The following ESPNL variants were observed in gnomAD, a reference collection of about 807,000 sequenced individuals.
ESPNL encodes the protein espin-like protein.
In ESPNL, 49 loss-of-function variants were observed where a neutral mutation model predicts 46.8. The observed-to-expected ratio is 1.05, with a 90% CI of 0.83 to 1.33. ESPNL has a LOEUF of 1.33. Ranked by LOEUF, ESPNL falls within the 40% of genes most tolerant of loss-of-function variation. The pLI, the probability that ESPNL is intolerant of heterozygous loss-of-function variation, is 0.00. For missense variants in ESPNL, 1,540 were observed against 1,436.6 expected (o/e 1.07, Z -1.16); for synonymous variants, 664 against 662.1 (o/e 1.00, Z -0.04).
chr2:238,116,512 G>T (rs1029385614), intron 4 of ESPNL, among the ~76,000 whole-genome samples: 3 of 152,094 alleles, frequency 2.0e-5, no homozygotes, highest in Non-Finnish European at 4.4e-5. Flanking sequence ...GGCAGGGGCC[G>T]GTTGCTTGTC....
intron 5 of ESPNL, 50 bp downstream of exon 5, chr2:238,117,084 G>T (rs746872078): frequency 1.3e-6 from 2 of 1,562,710 alleles, no homozygotes; most frequent in African/African-American, 2.7e-5. Context: ...GGTGGGCCCA[G>T]ACCCCAGCCA....
At chr2:238,124,666 T>C (rs1194298852) in intron 5 of ESPNL, among the ~76,000 whole-genome samples, 3 of 136,574 alleles carry the variant, frequency 2.2e-5, no homozygotes, top group Admixed American at 1.5e-4. Flanking sequence ...TGCAGGAGAG[T>C]GTACATGTGT....
chr2:238,130,996 T>C lies in ESPNL; in HGVS notation c.2282T>C (p.Val761Ala), dbSNP rs4663845. ...RSAYTPALKT[V>A]ACRTLGARHA... is the part of the protein sequence containing the mutation. Reference sequence around the variant, plus strand: ...GCCTACACGCCGGCCCTCAAGACAGTGGCCTGCAGGACCCTAGGAGCCCGC... The same window carrying C: ...GCCTACACGCCGGCCCTCAAGACAGCGGCCTGCAGGACCCTAGGAGCCCGC... Residue 761 changes from valine to alanine, a missense_variant, in exon 9 of 9, where the codon GTG (valine) becomes GCG (alanine). Coordinates refer to ENST00000343063, the MANE Select transcript of ESPNL (RefSeq NM_194312.4). 0.77 allele frequency: 1,183,339 copies of C among 1,544,916 alleles called. 455,952 individuals carry two copies. The highest frequency in any genetic ancestry group is 0.95 in the African/African-American group (69,210 of 73,132).
Position 238,128,719 on chromosome 2 carries a change from G to A in ESPNL, c.1228G>A (p.Ala410Thr), listed in dbSNP as rs780751922. The A allele has an allele frequency of 6.2e-7, 1 of 1,601,346 alleles. No individual in the cohort carries two copies. The highest frequency in any genetic ancestry group is 8.5e-7 in the Non-Finnish European group (1 of 1,174,840). ...ATADPEGTET[A>T]LAGDTSDGLA... ...CCCTTCTGCACAGGGGACAGAGACG[G>A]CGCTGGCGGGGGACACCTCAGATGG... Residue 410 changes from alanine to threonine, a missense_variant, in exon 8 of 9, where the codon GCG becomes ACG. Coordinates refer to ENST00000343063, the MANE Select transcript of ESPNL (RefSeq NM_194312.4).
chr2:238,117,523 T>A (rs1251007179), intron 5 of ESPNL, among the ~76,000 whole-genome samples: 1 of 151,776 alleles, frequency 6.6e-6, no homozygotes, highest in Non-Finnish European at 1.5e-5. Flanking sequence ...GCCCCAGGAG[T>A]GGGAACGGAA....
chr2:238,107,281 G>C (rs571669276), intron 3 of ESPNL, among the ~76,000 whole-genome samples: 17 of 152,228 alleles, frequency 1.1e-4, no homozygotes, highest in Non-Finnish European at 1.9e-4. Flanking sequence ...AGTCGCTCCA[G>C]CGGTGGTGGC....
intron 5 of ESPNL, among the ~76,000 whole-genome samples, chr2:238,120,162 G>A (rs1691954626): frequency 1.3e-5 from 2 of 152,200 alleles, no homozygotes; most frequent in South Asian, 2.1e-4. Context: ...CTGAGAAGGT[G>A]GTGGCGCTCT....
chr2:238,108,319 G>A (rs950677961), intron 4 of ESPNL, among the ~76,000 whole-genome samples: 2 of 152,172 alleles, frequency 1.3e-5, no homozygotes, highest in African/African-American at 2.4e-5. Flanking sequence ...TGGCAGGGGT[G>A]TGATGTCAGC....
In ESPNL at chr2:238,128,743, G is replaced by A. The variant is rs537950895; in HGVS notation, c.1252G>A (p.Gly418Ser). Reference sequence around the variant, plus strand: ...GGCGCTGGCGGGGGACACCTCAGATGGCCTGGCCGCACTACAGCTGGATGG... The same window carrying A: ...GGCGCTGGCGGGGGACACCTCAGATAGCCTGGCCGCACTACAGCTGGATGG... ...ETALAGDTSD[G>S]LAALQLDGLP... The change falls in exon 8 of 9, where the codon GGC becomes AGC. Residue 418 changes from glycine (G) to serine (S), a missense_variant. Physicochemically the swap from Gly to Ser is moderately conservative, Grantham distance 56 (BLOSUM62 0). Transcript: ENST00000343063. The A allele has an allele frequency of 1.9e-6, 3 of 1,601,594 alleles. No homozygotes were observed. The highest frequency in any genetic ancestry group is 2.6e-6 in the Non-Finnish European group (3 of 1,175,034).
rs756017517 is a variant in ESPNL at position 238,130,334 on chromosome 2, G to A, written c.1620G>A (p.Leu540=). The change falls in exon 9 of 9, where the codon CTG becomes CTA. Residue 540 remains leucine, a synonymous_variant. Transcript: ENST00000343063. The part of the protein sequence containing the change: ...LGRLAAELQA[L]LPEPLVSITV... ...GGTTGGCGGCTGAGCTGCAGGCCCT[G>A]CTGCCCGAGCCCCTGGTCAGCATCA... 47 of 1,607,486 alleles carry A rather than the reference G, an allele frequency of 2.9e-5. No individual in the cohort carries two copies. The Admixed American group carries it at 3.7e-4, about 13-fold the overall frequency.
chr2:238,107,414 C>T (rs934782524), intron 3 of ESPNL, among the ~76,000 whole-genome samples: 2 of 152,330 alleles, frequency 1.3e-5, no homozygotes, highest in South Asian at 2.1e-4. Context: ...GCGCCACCCT[C>T]GGGCCAAATG....
Position 238,131,296 on chromosome 2 carries a change from G to A in ESPNL, c.2582G>A (p.Gly861Asp). The A allele has an allele frequency of 6.3e-7, 1 of 1,582,092 alleles. No individual in the cohort carries two copies. Among genetic ancestry groups the A allele is most frequent in the Non-Finnish European group, 8.6e-7 (1 of 1,165,232 alleles). ...CTCTCACTGGATCTCTTCATGCTGG[G>A]TTACTTCCAGCTGCTGGAGTGCGAC... ...SSLSLDLFML[G>D]YFQLLECDLP... is the part of the protein sequence containing the mutation. The change falls in exon 9 of 9, where the codon GGT becomes GAT. Residue 861 changes from glycine (G) to aspartate (D), a missense_variant. Coordinates refer to ENST00000343063, the MANE Select transcript of ESPNL (RefSeq NM_194312.4).
intron 6 of ESPNL, among the ~76,000 whole-genome samples, chr2:238,126,965 GTGTA>G (rs1559267113): frequency 8.0e-6 from 1 of 124,994 alleles, no homozygotes; most frequent in South Asian, 2.7e-4. Flanking sequence ...GTGTGTCTGT[GTGTA>G]TGTGTGTGAT....
In ESPNL at chr2:238,130,741, C is replaced by G; in HGVS notation, c.2027C>G (p.Pro676Arg). 6.4e-7 allele frequency: 1 copy of G among 1,564,092 alleles called. No homozygotes were observed. The highest frequency in any genetic ancestry group is 8.6e-7 in the Non-Finnish European group (1 of 1,158,242). The change falls in exon 9 of 9, where the codon CCG becomes CGG. Residue 676 changes from proline to arginine, a missense_variant. Transcript: ENST00000343063. Reference protein sequence around the residue: ...LCGFNPGPCEPGAQHRQCLSG... With the variant: ...LCGFNPGPCERGAQHRQCLSG... ...GGCTTCAACCCTGGCCCCTGCGAGC[C>G]GGGGGCCCAGCACAGGCAGTGCCTG...
At chr2:238,120,261 G>A (rs1205693359) in intron 5 of ESPNL, among the ~76,000 whole-genome samples, 1 of 152,106 alleles carries the variant, frequency 6.6e-6, no homozygotes, top group Admixed American at 6.5e-5. Context: ...CTTCAAGGCC[G>A]CTAGGTCAGC....
chr2:238,124,740 C>T (rs575021021), intron 5 of ESPNL, among the ~76,000 whole-genome samples: 14 of 133,278 alleles, frequency 1.1e-4, no homozygotes, highest in South Asian at 2.4e-4. Context: ...CAGGAGAGTA[C>T]ATGCATGTGT....
chr2:238,123,336 C>T (rs1692029335), intron 5 of ESPNL, among the ~76,000 whole-genome samples: 1 of 152,230 alleles, frequency 6.6e-6, no homozygotes, highest in African/African-American at 2.4e-5. Context: ...ACTGAGGTCT[C>T]CAGTGAGACT....
At position 238,127,324 on chromosome 2, in the gene ESPNL, G is replaced by C. The variant is rs186635580; in HGVS notation, c.1103-298G>C. 39 of 1,210,744 alleles carry C rather than the reference G, an allele frequency of 3.2e-5. No individual in the cohort carries two copies. In the African/African-American group the frequency reaches 5.2e-4, roughly 16 times the overall value. 75.0% of individuals were successfully genotyped at this position (1,210,744 alleles called of 1,614,324 possible). A position where few individuals can be genotyped will look rare whatever the true frequency, so the allele number is the denominator to read the frequency against. On this transcript the variant is annotated intron_variant, in intron 6 of 8. Coordinates refer to ENST00000343063, the MANE Select transcript of ESPNL (RefSeq NM_194312.4). ...CCAGCTTTGGGGCCTGCAGAGCTGC[G>C]TTAGGGGCGGCCTCAAGCCCTTCCC...
rs1307196287 is a variant in ESPNL at position 238,114,517 on chromosome 2, G to A, written c.856-2386G>A. ...CCTCTCTCCAGCGACTGGCTTCAGC[G>A]ACCTGCCCCAGCCTCCCCAGCCCCG... On this transcript the variant is annotated intron_variant, in intron 4 of 8. Transcript: ENST00000343063. The surrounding 1 kb of genome is among the most constrained non-coding windows in gnomAD (Gnocchi z 5.0). Among the ~76,000 whole-genome samples, 2 of 152,046 alleles carry A rather than the reference G, an allele frequency of 1.3e-5. No individual in the cohort carries two copies. The highest frequency in any genetic ancestry group is 1.3e-4 in the Admixed American group (2 of 15,264).
Sources: gnomAD v4.1 joint callset for allele counts (sites outside exome capture counted in the v4.1 genomes callset) on GRCh38, gnomAD v4.1.1 for gene constraint, Gnocchi (gnomAD v3.1) non-coding constraint, MANE v1.5 for transcripts, NCBI Gene and HGNC (gene_info 2026-07-23, HGNC 2026-07-21) for gene names.